The following ASIC2 variants were observed in gnomAD, a reference collection of about 807,000 sequenced individuals.
ASIC2 encodes the protein acid sensing ion channel subunit 2.
A neutral mutation model predicts 57.3 loss-of-function variants in ASIC2; 25 were observed. The observed-to-expected ratio is 0.44, with a 90% confidence interval of 0.32 to 0.61. The LOEUF is 0.61. Ranked by LOEUF, ASIC2 falls within the 20% of genes least tolerant of loss-of-function variation. ASIC2 has a pLI of 0.06. For synonymous variants in ASIC2, 319 were observed against 307.5 expected (o/e 1.04, Z -0.39); for missense variants, 641 against 738.1 (o/e 0.87, Z 1.52).
intron 1 of ASIC2, among the ~76,000 whole-genome samples, chr17:33,235,753 G>A (rs927555769): frequency 6.6e-6 from 1 of 152,174 alleles, no homozygotes; most frequent in Non-Finnish European, 1.5e-5. Context: ...TTTGCCCCAG[G>A]ATGGATCAGA....
At chr17:33,277,037 A>G (rs1597662464) in intron 1 of ASIC2, among the ~76,000 whole-genome samples, 1 of 152,266 alleles carries the variant, frequency 6.6e-6, no homozygotes, top group East Asian at 1.9e-4. Context: ...GCTTGACAGG[A>G]ATGCAGAATC....
At chr17:33,266,430 T>G (rs1412134088) in intron 1 of ASIC2, among the ~76,000 whole-genome samples, 1 of 152,184 alleles carries the variant, frequency 6.6e-6, no homozygotes, top group Admixed American at 6.5e-5. Context: ...AACAACAGAT[T>G]CCCAGTTTTT....
At chr17:33,786,394 AG>A in intron 1 of ASIC2, among the ~76,000 whole-genome samples, 1 of 152,284 alleles carries the variant, frequency 6.6e-6, no homozygotes, top group Non-Finnish European at 1.5e-5. Flanking sequence ...GATGTCAAGA[AG>A]TAGTAAATGA....
intron 1 of ASIC2, among the ~76,000 whole-genome samples, chr17:33,492,729 C>T (rs1913800892): frequency 6.6e-6 from 1 of 152,208 alleles, no homozygotes; most frequent in Non-Finnish European, 1.5e-5. Flanking sequence ...TGGGGGGACA[C>T]ATCTCTACCA....
intron 1 of ASIC2, among the ~76,000 whole-genome samples, chr17:33,217,709 G>A (rs920943251): frequency 6.6e-6 from 1 of 152,212 alleles, no homozygotes; most frequent in Non-Finnish European, 1.5e-5. Context: ...GGCTTGTCCT[G>A]TTTGAACTTC....
intron 1 of ASIC2, among the ~76,000 whole-genome samples, chr17:33,923,154 G>A (rs988081489): frequency 1.4e-4 from 22 of 152,144 alleles, no homozygotes; most frequent in Admixed American, 1.2e-3. Context: ...TGCCAAGAAC[G>A]TCTACCAGCA....
intron 1 of ASIC2, among the ~76,000 whole-genome samples, chr17:33,281,157 C>A (rs776758834): frequency 1.3e-5 from 2 of 152,210 alleles, no homozygotes; most frequent in Non-Finnish European, 2.9e-5. Flanking sequence ...GCAACTCAAT[C>A]TCCCTCTCTG....
chr17:33,418,809 G>A (rs979380742), intron 1 of ASIC2, among the ~76,000 whole-genome samples: 3 of 152,092 alleles, frequency 2.0e-5, no homozygotes, highest in Non-Finnish European at 2.9e-5. Context: ...GCAGGGACCC[G>A]GATGAAGCTG....
intron 1 of ASIC2, among the ~76,000 whole-genome samples, chr17:33,418,706 G>T (rs1184699015): frequency 1.3e-5 from 2 of 152,126 alleles, no homozygotes; most frequent in Admixed American, 6.5e-5. Flanking sequence ...TGAGGCCTCT[G>T]TTCTGTTCCA....
intron 1 of ASIC2, among the ~76,000 whole-genome samples, chr17:33,713,774 G>C (rs1909127134): frequency 6.6e-6 from 1 of 152,220 alleles, no homozygotes; most frequent in Non-Finnish European, 1.5e-5. Context: ...TGCTGATCCA[G>C]GGATTTTTAA....
At chr17:34,144,480 G>A (rs1912362244) in intron 1 of ASIC2, among the ~76,000 whole-genome samples, 1 of 152,106 alleles carries the variant, frequency 6.6e-6, no homozygotes, top group Non-Finnish European at 1.5e-5. Context: ...TGGATCTCCT[G>A]TCACTATGTT....
intron 1 of ASIC2, among the ~76,000 whole-genome samples, chr17:33,605,213 G>A (rs184169454): frequency 3.3e-5 from 5 of 152,344 alleles, no homozygotes; most frequent in Admixed American, 2.6e-4. Context: ...CTGCCGGCAT[G>A]GCAAGAGCCC....
chr17:33,676,465 T>C (rs1176760894), intron 1 of ASIC2, among the ~76,000 whole-genome samples: 11 of 152,214 alleles, frequency 7.2e-5, no homozygotes, highest in Non-Finnish European at 1.5e-4. Context: ...AACACAGGAA[T>C]AAGAAGAAAG....
rs556373456 is a variant in ASIC2 at position 33,995,678 on chromosome 17, A to G, written c.555+160300T>C. Among the ~76,000 whole-genome samples, 25 of 152,082 alleles carry G rather than the reference A, an allele frequency of 1.6e-4. 1 individual carries two copies. In the South Asian group the frequency reaches 5.0e-3, roughly 30 times the overall value. On this transcript the variant is annotated intron_variant, in intron 1 of 9. Transcript: ENST00000359872. Reference sequence around the variant, plus strand: ...CGTGTATATATGTGTGTGTGTATATACACACACACAAATGCACGTATATAT... The same window carrying G: ...CGTGTATATATGTGTGTGTGTATATGCACACACACAAATGCACGTATATAT...
chr17:33,550,232 T>C (rs4638632), intron 1 of ASIC2, among the ~76,000 whole-genome samples: 86,155 of 152,010 alleles, frequency 0.57, 25,562 homozygotes, highest in African/African-American at 0.75. Context: ...TATGGAGGAG[T>C]GCAAATACCG....
At chr17:33,146,290 G>A (rs1315508374) in intron 1 of ASIC2, among the ~76,000 whole-genome samples, 1 of 152,160 alleles carries the variant, frequency 6.6e-6, no homozygotes, top group Non-Finnish European at 1.5e-5. Flanking sequence ...TTGGGGCTTG[G>A]AAAGCATCTT....
chr17:33,934,236 C>T (rs959152916), intron 1 of ASIC2, among the ~76,000 whole-genome samples: 2 of 152,180 alleles, frequency 1.3e-5, no homozygotes, highest in Non-Finnish European at 2.9e-5. Context: ...CTTAGCAATT[C>T]GGGGGCTGAT....
At chr17:33,535,469 G>A (rs949908341) in intron 1 of ASIC2, among the ~76,000 whole-genome samples, 4 of 151,858 alleles carry the variant, frequency 2.6e-5, no homozygotes, top group African/African-American at 9.7e-5. Context: ...AGTAGAGACG[G>A]GTTTCATCGT....
At chr17:33,937,513 T>C (rs1231883263) in intron 1 of ASIC2, among the ~76,000 whole-genome samples, 1 of 152,160 alleles carries the variant, frequency 6.6e-6, no homozygotes, top group African/African-American at 2.4e-5. Flanking sequence ...AATAAATCAC[T>C]TGTGACTCTA....
Sources: gnomAD v4.1 joint callset for allele counts (sites outside exome capture counted in the v4.1 genomes callset) on GRCh38, gnomAD v4.1.1 for gene constraint, MANE v1.5 for transcripts, NCBI Gene and HGNC (gene_info 2026-07-23, HGNC 2026-07-21) for gene names.